FAM216B: variants seen among roughly 807,000 people sequenced by gnomAD.
FAM216B encodes the protein protein FAM216B.
A neutral mutation model predicts 12.9 loss-of-function variants in FAM216B; 11 were observed. The ratio of observed to expected loss-of-function variants is 0.86; its 90% CI spans 0.54 to 1.42. The LOEUF is 1.42. FAM216B is among the 40% of genes most tolerant of loss of function. The probability of loss-of-function intolerance (pLI) is 0.00; values close to 1 mark genes in which losing one functional copy is unlikely to be tolerated. For synonymous variants in FAM216B, 52 were observed against 57.2 expected, an observed-to-expected ratio of 0.91 and a Z score of 0.41; for missense variants, 167 against 162.9, an observed-to-expected ratio of 1.02 and a Z score of -0.14.
chr13:42,783,698 T>A (rs556095859), intron 1 of FAM216B, among the ~76,000 whole-genome samples: 5 of 152,154 alleles, frequency 3.3e-5, no homozygotes, highest in Non-Finnish European at 7.4e-5. Flanking sequence ...ACTTTTAGAA[T>A]CAGATATGAA....
rs1194398758 is a variant in FAM216B at position 42,789,066 on chromosome 13, G to A, written c.*276G>A. The A allele has an allele frequency of 3.8e-6, 1 of 263,668 alleles. No homozygotes were observed. Among genetic ancestry groups the A allele is most frequent in the African/African-American group, 2.2e-5 (1 of 45,828 alleles). 16.3% of individuals were successfully genotyped at this position (263,668 alleles called of 1,614,324 possible). A position where few individuals can be genotyped will look rare whatever the true frequency, so the allele number is the denominator to read the frequency against. On this transcript the variant is annotated 3_prime_UTR_variant, in exon 4 of 4. Transcript: ENST00000313851. Reference sequence around the variant, plus strand: ...GTTTACTTTGGATTAGAACCTCCTAGAGAAGTCCCCAAAACAGTGAAAGGG... The same window carrying A: ...GTTTACTTTGGATTAGAACCTCCTAAAGAAGTCCCCAAAACAGTGAAAGGG...
rs74056870 is a variant in FAM216B, at chr13:42,789,021, T to G, written c.*231T>G. ...TAACATCCGTAGAGTAAAAGGACTT[T>G]TAAAGCTTTCAAAGTAAAAGTTTAC... is the stretch of plus-strand genomic sequence containing the variant. On this transcript the variant is annotated 3_prime_UTR_variant, in exon 4 of 4. Transcript: ENST00000313851. The G allele has an allele frequency of 2.2e-3, 781 of 361,562 alleles. 1 individual carries two copies. Among genetic ancestry groups the G allele is most frequent in the African/African-American group, 0.015 (743 of 49,070 alleles). 22.4% of individuals were successfully genotyped at this position (361,562 alleles called of 1,614,324 possible). A position where few individuals can be genotyped will look rare whatever the true frequency, so the allele number is the denominator to read the frequency against.
intron 1 of FAM216B, among the ~76,000 whole-genome samples, chr13:42,782,884 C>T (rs1873914240): frequency 6.6e-6 from 1 of 151,540 alleles, no homozygotes; most frequent in Non-Finnish European, 1.5e-5. Flanking sequence ...TAAAGGCATA[C>T]TACACTGCCA....
intron 1 of FAM216B, among the ~76,000 whole-genome samples, 167 bp from the exon 2 acceptor site, chr13:42,783,887 A>G (rs1873953566): frequency 6.6e-6 from 1 of 152,138 alleles, no homozygotes; most frequent in Admixed American, 6.5e-5. Flanking sequence ...GGAATTAAGT[A>G]GTCTGGTGAT....
Position 42,788,793 on chromosome 13 carries a change from C to T in FAM216B, c.*3C>T. 6.2e-7 allele frequency: 1 copy of T among 1,600,110 alleles called. No individual in the cohort carries two copies. Among genetic ancestry groups the T allele is most frequent in the Non-Finnish European group, 8.5e-7 (1 of 1,173,368 alleles). ...GGCGCCAAGTGCTCAGGAACTGAGACTTGGCAGCATTTTCAGAAACAGGAA... is the reference window on the plus strand; with the variant it reads ...GGCGCCAAGTGCTCAGGAACTGAGATTTGGCAGCATTTTCAGAAACAGGAA... On this transcript the variant is annotated 3_prime_UTR_variant, in exon 4 of 4. Transcript: ENST00000313851.
At chr13:42,788,409 T>C (rs1472562334) in intron 3 of FAM216B, among the ~76,000 whole-genome samples, 182 bp from the exon 4 acceptor site, 2 of 152,338 alleles carry the variant, frequency 1.3e-5, no homozygotes, top group South Asian at 2.1e-4. Context: ...TATTAACTTA[T>C]TGAATGAGAA....
At chr13:42,786,999 T>C in intron 3 of FAM216B, 116 bp downstream of exon 3, 2 of 1,475,480 alleles carry the variant, frequency 1.4e-6, no homozygotes, top group Non-Finnish European at 1.8e-6. Flanking sequence ...CGTGCTATTT[T>C]ATCAACATAG....
intron 2 of FAM216B, among the ~76,000 whole-genome samples, chr13:42,784,764 G>A (rs1338360762): frequency 2.0e-5 from 3 of 151,344 alleles, no homozygotes; most frequent in Non-Finnish European, 4.4e-5. Context: ...AACTCGGGAG[G>A]CAGAGGTTGC....
At chr13:42,783,036 A>G (rs1535887) in intron 1 of FAM216B, among the ~76,000 whole-genome samples, 124,159 of 152,192 alleles carry the variant, frequency 0.82, 50,927 homozygotes, top group African/African-American at 0.89. Flanking sequence ...GAAGCTCAGC[A>G]TGGTGCCTCA....
rs1436779832 is a variant in FAM216B, at chr13:42,791,232, A to G, written c.*2442A>G. On this transcript the variant is annotated 3_prime_UTR_variant, in exon 4 of 4. Transcript: ENST00000313851. ...TGAGTTTTAAATAATACATATATGT[A>G]AGCTTCAAAGTAGCACATTTGTACT... is the stretch of plus-strand genomic sequence containing the variant. The G allele has an allele frequency of 2.0e-5, 3 of 152,240 alleles. No individual in the cohort carries two copies. Among genetic ancestry groups the G allele is most frequent in the Non-Finnish European group, 4.4e-5 (3 of 68,042 alleles). The allele number at this position is 152,240 out of a possible 1,614,324, so 9.4% of individuals were successfully genotyped here. A position where few individuals can be genotyped will look rare whatever the true frequency, so the allele number is the denominator to read the frequency against.
At chr13:42,782,227 A>G (rs954564137) in intron 1 of FAM216B, among the ~76,000 whole-genome samples, 1 of 152,242 alleles carries the variant, frequency 6.6e-6, no homozygotes, top group Non-Finnish European at 1.5e-5. Flanking sequence ...CTCCTTAAGC[A>G]TGTGTATGTT....
intron 1 of FAM216B, among the ~76,000 whole-genome samples, chr13:42,783,812 T>G (rs1161644807): frequency 6.6e-6 from 1 of 152,084 alleles, no homozygotes; most frequent in Non-Finnish European, 1.5e-5. Flanking sequence ...TCTGAATTAT[T>G]CCTTAACTTC....
intron 3 of FAM216B, among the ~76,000 whole-genome samples, chr13:42,787,183 G>A (rs891826476): frequency 6.6e-6 from 1 of 152,184 alleles, no homozygotes; most frequent in Non-Finnish European, 1.5e-5. Context: ...AAAACCAGGC[G>A]AGGCTCAAAG....
At chr13:42,788,496 A>C (rs1874176633) in intron 3 of FAM216B, 95 bp from the exon 4 acceptor site, 1 of 1,006,938 alleles carries the variant, frequency 9.9e-7, no homozygotes, top group African/African-American at 1.6e-5. Context: ...GAGTAGAATA[A>C]ATTTTGTACA....
chr13:42,783,245 C>T (rs1340105810), intron 1 of FAM216B, among the ~76,000 whole-genome samples: 4 of 152,178 alleles, frequency 2.6e-5, no homozygotes, highest in African/African-American at 7.2e-5. Context: ...GAGTTCAAGA[C>T]TGCGGTGAGC....
rs1180620555 is a variant in FAM216B at position 42,788,666 on chromosome 13, T to C, written c.296T>C (p.Val99Ala). ...TCAACCAAGAGAGCCTCAGCCAAGG[T>C]AGCTCCTCAAAGAACCATTCCCCGG... ...RDSTKRASAKVAPQRTIPRKT... is the reference protein window; with the variant it reads ...RDSTKRASAKAAPQRTIPRKT... Residue 99 changes from valine to alanine, a missense_variant, in exon 4 of 4, where the codon GTA becomes GCA. Val to Ala is a moderately conservative substitution (Grantham distance 64). Transcript: ENST00000313851. 2 of 1,613,956 alleles carry C rather than the reference T, an allele frequency of 1.2e-6. No individual in the cohort carries two copies. The highest frequency in any genetic ancestry group is 3.3e-5 in the Admixed American group (2 of 59,996).
At chr13:42,787,758 G>C (rs1475923739) in intron 3 of FAM216B, among the ~76,000 whole-genome samples, 1 of 152,094 alleles carries the variant, frequency 6.6e-6, no homozygotes, top group Admixed American at 6.6e-5. Flanking sequence ...TTTTGCAATT[G>C]ATTTAATAAA....
rs1874265878 is a variant in FAM216B, at chr13:42,790,258, A to G, written c.*1468A>G. On this transcript the variant is annotated 3_prime_UTR_variant, in exon 4 of 4. Coordinates refer to ENST00000313851, the MANE Select transcript of FAM216B (RefSeq NM_001318932.2). ...TGGGAGACCTAACTTGGCCTATACT[A>G]GCCTTCCCATTGTTTTCACAATGGG... 1 of 152,064 alleles carries G rather than the reference A, an allele frequency of 6.6e-6. No homozygotes were observed. The highest frequency in any genetic ancestry group is 2.4e-5 in the African/African-American group (1 of 41,406). The allele number at this position is 152,064 out of a possible 1,614,324, so 9.4% of individuals were successfully genotyped here.
In FAM216B at chr13:42,788,591, G is replaced by A; in HGVS notation, c.221G>A (p.Gly74Asp). Residue 74 changes from glycine (G) to aspartate (D), a missense_variant and splice_region_variant, in exon 4 of 4, where the codon GGC becomes GAC. Coordinates refer to ENST00000313851, the MANE Select transcript of FAM216B (RefSeq NM_001318932.2). Reference sequence around the variant, plus strand: ...AGTTTCTCTCATTTCTTTCCCCTAGGCTATATTACTCAACGGGAAGCCTTG... The same window carrying A: ...AGTTTCTCTCATTTCTTTCCCCTAGACTATATTACTCAACGGGAAGCCTTG... ...IHSLQHQQLL[G>D]YITQREALSY... 6.2e-7 allele frequency: 1 copy of A among 1,607,346 alleles called. No individual in the cohort carries two copies. Among genetic ancestry groups the A allele is most frequent in the South Asian group, 1.1e-5 (1 of 90,052 alleles).
Sources: gnomAD v4.1 joint callset for allele counts (sites outside exome capture counted in the v4.1 genomes callset) on GRCh38, gnomAD v4.1.1 for gene constraint, MANE v1.5 for transcripts, NCBI Gene and HGNC (gene_info 2026-07-23, HGNC 2026-07-21) for gene names.